The following TMEM8B variants were observed in gnomAD, a reference collection of about 807,000 sequenced individuals.
The protein encoded by TMEM8B is transmembrane protein 8B, also known as nasopharyngeal carcinoma expressed 6.
TMEM8B carries 29 observed loss-of-function variants against 49.3 expected under a neutral mutation model. That is an observed-to-expected ratio of 0.59 (90% CI 0.44 to 0.80). The LOEUF (loss-of-function observed/expected upper bound fraction) is 0.80. Ranked by LOEUF, TMEM8B falls within the 30% of genes least tolerant of loss-of-function variation. The pLI is 0.00. For synonymous variants in TMEM8B, 264 were observed against 272.8 expected (o/e 0.97, Z 0.32); for missense variants, 575 against 658.5 (o/e 0.87, Z 1.39).
chr9:35,860,001 A>G lies in TMEM8B; in HGVS notation c.*6161A>G, dbSNP rs1257852317. The G allele has an allele frequency of 6.6e-6, 1 of 152,242 alleles. No homozygotes were observed. Among genetic ancestry groups the G allele is most frequent in the Non-Finnish European group, 1.5e-5 (1 of 68,048 alleles). The allele number at this position is 152,242 out of a possible 1,614,324, so 9.4% of individuals were successfully genotyped here. A position where few individuals can be genotyped will look rare whatever the true frequency, so the allele number is the denominator to read the frequency against. On this transcript the variant is annotated 3_prime_UTR_variant, in exon 13 of 13. Coordinates refer to ENST00000643932, the MANE Select transcript of TMEM8B (RefSeq NM_001042590.4). ...TTCATCTCATTCTCTCTCCTTTTCC[A>G]TCTGGACCACCCAGCTTTTTGGAAA...
rs2132417833 is a variant in TMEM8B at position 35,855,330 on chromosome 9, C to T, written c.*1490C>T. The stretch of plus-strand genomic sequence containing the variant: ...AGTATTCTCACTACATCCTCTCCTC[C>T]TCTCTCTTCTTTCCCCCTTTCGTTA... On this transcript the variant is annotated 3_prime_UTR_variant, in exon 13 of 13. Transcript: ENST00000643932. 1 of 152,340 alleles carries T rather than the reference C, an allele frequency of 6.6e-6. No individual in the cohort carries two copies. Among genetic ancestry groups the T allele is most frequent in the East Asian group, 1.9e-4 (1 of 5,192 alleles). 9.4% of individuals were successfully genotyped at this position (152,340 alleles called of 1,614,324 possible).
chr9:35,835,661 CT>C, intron 3 of TMEM8B, among the ~76,000 whole-genome samples: 1 of 152,378 alleles, frequency 6.6e-6, no homozygotes, highest in South Asian at 2.1e-4. Context: ...TTTAGTCCAT[CT>C]GGGAGAATGT....
At chr9:35,850,931 A>G (rs565547903) in intron 10 of TMEM8B, among the ~76,000 whole-genome samples, 12 of 152,312 alleles carry the variant, frequency 7.9e-5, no homozygotes, top group South Asian at 2.1e-4. Context: ...TTAGTGGCCT[A>G]TAGTACTTAT....
chr9:35,853,013 G>A lies in TMEM8B; in HGVS notation c.2322+40G>A. The A allele has an allele frequency of 1.2e-6, 2 of 1,613,502 alleles. No individual in the cohort carries two copies. The highest frequency in any genetic ancestry group is 1.1e-5 in the South Asian group (1 of 91,068). Reference sequence around the variant, plus strand: ...GGCCCTGGGGAACAACCATGGCCAAGTCTCCTTGAAATCCACTCCTGACCT... The same window carrying A: ...GGCCCTGGGGAACAACCATGGCCAAATCTCCTTGAAATCCACTCCTGACCT... On this transcript the variant is annotated intron_variant, in intron 11 of 12. Transcript: ENST00000643932. The surrounding 1 kb of genome is among the most constrained non-coding windows in gnomAD (Gnocchi z 4.2).
chr9:35,846,717 G>T (rs1265952747), intron 9 of TMEM8B, 100 bp from the exon 10 acceptor site: 3 of 1,541,128 alleles, frequency 1.9e-6, no homozygotes, highest in South Asian at 2.5e-5. Flanking sequence ...AATTGGGGAC[G>T]GGTTTGGCAG....
chr9:35,853,735 AGCCCGG>A lies in TMEM8B; in HGVS notation c.2678_2683del (p.Ala893_Arg894del), dbSNP rs1832371928. On this transcript the variant is annotated inframe_deletion, in exon 13 of 13. Transcript: ENST00000643932. This position sits in a 1 kb window ranked among gnomAD's most constrained non-coding sequence, Gnocchi z 4.2. Reference sequence around the variant, plus strand: ...AGACTGACCACGGGGTCCCATCTGGAGCCCGGGCCCGGGGCTGTGGTTACCAGCTAT... The same window carrying A: ...AGACTGACCACGGGGTCCCATCTGGAGCCCGGGGCTGTGGTTACCAGCTAT... 7 of 1,613,648 alleles carry A rather than the reference AGCCCGG, an allele frequency of 4.3e-6. No individual in the cohort carries two copies. Among genetic ancestry groups the A allele is most frequent in the Non-Finnish European group, 5.9e-6 (7 of 1,179,694 alleles).
In TMEM8B at chr9:35,852,859, G is replaced by A; in HGVS notation, c.2208G>A (p.Val736=). Residue 736 remains valine, a synonymous_variant, in exon 11 of 13, where the codon GTG becomes GTA. Transcript: ENST00000643932. The stretch of plus-strand genomic sequence containing the variant: ...ATGCCTGTGACCAGCCAGGCATCGT[G>A]GTTTTCTGCATCATGGACTACGATG... ...FYHACDQPGI[V]VFCIMDYDVL... The A allele has an allele frequency of 6.2e-6, 10 of 1,614,158 alleles. No homozygotes were observed. The highest frequency in any genetic ancestry group is 8.5e-6 in the Non-Finnish European group (10 of 1,180,040).
intron 10 of TMEM8B, among the ~76,000 whole-genome samples, chr9:35,852,097 G>C (rs1432659196): frequency 1.3e-5 from 2 of 152,194 alleles, no homozygotes; most frequent in African/African-American, 4.8e-5. Flanking sequence ...GGCAGACTTT[G>C]CTTGGTTCCT....
At chr9:35,850,347 G>A (rs906040981) in intron 10 of TMEM8B, among the ~76,000 whole-genome samples, 4 of 152,186 alleles carry the variant, frequency 2.6e-5, no homozygotes, top group Non-Finnish European at 4.4e-5. Flanking sequence ...TATATTAATA[G>A]AAGTCAGTTT....
intron 7 of TMEM8B, 57 bp downstream of exon 7, chr9:35,846,125 G>A (rs1418327681): frequency 5.0e-6 from 8 of 1,610,294 alleles, no homozygotes; most frequent in Non-Finnish European, 6.8e-6. Context: ...GTGGTGGCGG[G>A]CAGAGGTGAA....
Position 35,863,650 on chromosome 9 carries a change from G to C in TMEM8B, c.*9810G>C, listed in dbSNP as rs1161576150. ...GCTACATGTCTACTGTGGCTTTCCC[G>C]GTGGCTCAGGGTTCTCAGAGCCCCT... On this transcript the variant is annotated 3_prime_UTR_variant, in exon 13 of 13. Transcript: ENST00000643932. 2 of 152,130 alleles carry C rather than the reference G, an allele frequency of 1.3e-5. No individual in the cohort carries two copies. Among genetic ancestry groups the C allele is most frequent in the Non-Finnish European group, 2.9e-5 (2 of 68,022 alleles). 9.4% of individuals were successfully genotyped at this position (152,130 alleles called of 1,614,324 possible). A position where few individuals can be genotyped will look rare whatever the true frequency, so the allele number is the denominator to read the frequency against.
Position 35,853,930 on chromosome 9 carries a change from G to A in TMEM8B, c.*90G>A. ...GAGCCCTCTTAGAAGGAGACAGGCT[G>A]TATTTCTTGAGGACATGGAGTCTTT... On this transcript the variant is annotated 3_prime_UTR_variant, in exon 13 of 13. Transcript: ENST00000643932. This position sits in a 1 kb window ranked among gnomAD's most constrained non-coding sequence, Gnocchi z 4.2. The A allele has an allele frequency of 7.0e-7, 1 of 1,434,774 alleles. No individual in the cohort carries two copies. The highest frequency in any genetic ancestry group is 2.5e-5 in the East Asian group (1 of 40,732). 88.9% of individuals were successfully genotyped at this position (1,434,774 alleles called of 1,614,324 possible).
chr9:35,852,313 A>G (rs369698992), intron 10 of TMEM8B, among the ~76,000 whole-genome samples: 46 of 152,006 alleles, frequency 3.0e-4, no homozygotes, highest in African/African-American at 1.0e-3. Context: ...TACCTGCCAC[A>G]CACTCCCCGC....
In TMEM8B at chr9:35,853,084, C is replaced by T. The variant is rs1285498441; in HGVS notation, c.2323-57C>T. On this transcript the variant is annotated intron_variant, in intron 11 of 12. Coordinates refer to ENST00000643932, the MANE Select transcript of TMEM8B (RefSeq NM_001042590.4). The surrounding 1 kb of genome is among the most constrained non-coding windows in gnomAD (Gnocchi z 4.2). ...GTGCCTCTCATGATTCTGACCCAGGCCCTGGAGTGCTGTCTGTCACCTGGC... is the reference window on the plus strand; with the variant it reads ...GTGCCTCTCATGATTCTGACCCAGGTCCTGGAGTGCTGTCTGTCACCTGGC... 2 of 1,605,700 alleles carry T rather than the reference C, an allele frequency of 1.2e-6. No homozygotes were observed. Among genetic ancestry groups the T allele is most frequent in the African/African-American group, 1.3e-5 (1 of 74,902 alleles).
rs1832655804 is a variant in TMEM8B, at chr9:35,861,649, C to T, written c.*7809C>T. 1.3e-5 allele frequency: 2 copies of T among 152,470 alleles called. No homozygotes were observed. Among genetic ancestry groups the T allele is most frequent in the South Asian group, 2.1e-4 (1 of 4,834 alleles). The allele number at this position is 152,470 out of a possible 1,614,324, so 9.4% of individuals were successfully genotyped here. A position where few individuals can be genotyped will look rare whatever the true frequency, so the allele number is the denominator to read the frequency against. On this transcript the variant is annotated 3_prime_UTR_variant, in exon 13 of 13. Transcript: ENST00000643932. ...GTTCAGACTAGCTGTGTGACACTGA[C>T]CAAGACACTTGACCTCTCTCAGACT...
At chr9:35,852,756 C>T (rs1315205054) in intron 10 of TMEM8B, 71 bp from the exon 11 acceptor site, 14 of 1,590,784 alleles carry the variant, frequency 8.8e-6, no homozygotes, top group Non-Finnish European at 1.2e-5. Context: ...ACCCCTGGGC[C>T]CACCCCTCCG....
chr9:35,832,091 C>A (rs1209560500), intron 1 of TMEM8B, among the ~76,000 whole-genome samples: 6 of 149,550 alleles, frequency 4.0e-5, no homozygotes, highest in South Asian at 2.1e-4. Flanking sequence ...CCTTGCTATT[C>A]AAAAAAAAAT....
intron 3 of TMEM8B, among the ~76,000 whole-genome samples, chr9:35,837,473 T>G (rs1438271042): frequency 6.6e-6 from 1 of 152,012 alleles, no homozygotes; most frequent in African/African-American, 2.4e-5. Context: ...GCCCAAAGTT[T>G]AGAAGGAACT....
chr9:35,837,717 T>C (rs1481756038), intron 3 of TMEM8B, among the ~76,000 whole-genome samples: 2 of 152,218 alleles, frequency 1.3e-5, no homozygotes, highest in African/African-American at 4.8e-5. Flanking sequence ...TAGCCTCCAG[T>C]GCAGAGTCTG....
Sources: allele counts gnomAD v4.1 joint callset (sites outside exome capture counted in the v4.1 genomes callset), GRCh38; gene constraint gnomAD v4.1.1; non-coding constraint Gnocchi (gnomAD v3.1); transcripts MANE v1.5; gene names NCBI Gene and HGNC (gene_info 2026-07-23, HGNC 2026-07-21).